Variants in ARID3A observed in about 807,000 individuals in gnomAD.
ARID3A encodes AT-rich interaction domain 3A.
Under a neutral mutation model 52.7 loss-of-function variants are expected in ARID3A, and 11 were observed. The ratio of observed to expected loss-of-function variants is 0.21; its 90% CI spans 0.13 to 0.35. ARID3A has a LOEUF of 0.35. ARID3A is among the 10% of genes least tolerant of loss of function. ARID3A has a pLI of 1.00. For synonymous variants in ARID3A, 404 were observed against 359.4 expected, an observed-to-expected ratio of 1.12 and a Z score of -1.40; for missense variants, 721 against 838.5, an observed-to-expected ratio of 0.86 and a Z score of 1.73.
chr19:971,821 G>T, intron 8 of ARID3A, 57 bp from the exon 9 acceptor site: 2 of 1,533,664 alleles, frequency 1.3e-6, no homozygotes. Context: ...CTCCCTTGTG[G>T]CCCGCCTCGC....
chr19:935,103 C>A (rs1046907491), intron 3 of ARID3A, among the ~76,000 whole-genome samples: 1 of 152,214 alleles, frequency 6.6e-6, no homozygotes, highest in African/African-American at 2.4e-5. Context: ...CTTCCTGGCA[C>A]GTGGCAGGCC....
Position 947,187 on chromosome 19 carries a change from C to T in ARID3A, c.694-12905C>T, listed in dbSNP as rs1270513274. 2.0e-5 allele frequency among the ~76,000 whole-genome samples: 3 copies of T among 152,140 alleles called. No homozygotes were observed. Among genetic ancestry groups the T allele is most frequent in the African/African-American group, 7.2e-5 (3 of 41,440 alleles). On this transcript the variant is annotated intron_variant, in intron 3 of 8. Coordinates refer to ENST00000263620, the MANE Select transcript of ARID3A (RefSeq NM_005224.3). The surrounding 1 kb of genome is among the most constrained non-coding windows in gnomAD (Gnocchi z 6.3). The stretch of plus-strand genomic sequence containing the variant: ...GTGTCTGTGTGTGGCCTGGGGCACC[C>T]CCTGCCGTCAGCCCAGATCTGTGTC...
intron 4 of ARID3A, among the ~76,000 whole-genome samples, chr19:963,613 C>T (rs1283473652): frequency 6.6e-6 from 1 of 152,162 alleles, no homozygotes; most frequent in Non-Finnish European, 1.5e-5. Context: ...GCCCAGCCGC[C>T]TCTTCTTCCT....
intron 3 of ARID3A, among the ~76,000 whole-genome samples, chr19:955,756 C>CA: frequency 6.6e-6 from 1 of 152,324 alleles, no homozygotes; most frequent in East Asian, 1.9e-4. Context: ...GTCAGAATCT[C>CA]AGAGGAGAGG....
Position 964,155 on chromosome 19 carries a change from A to T in ARID3A, c.767-93A>T. On this transcript the variant is annotated intron_variant, in intron 4 of 8. Transcript: ENST00000263620. The surrounding 1 kb of genome is among the most constrained non-coding windows in gnomAD (Gnocchi z 5.7). ...GTGGTTGTCACAGCCTGGGCGGGGG[A>T]GTGCTCCTGGCATGGAGAGGGCGGA... The T allele has an allele frequency of 9.7e-7, 1 of 1,032,154 alleles. No individual in the cohort carries two copies. The highest frequency in any genetic ancestry group is 1.4e-6 in the Non-Finnish European group (1 of 703,862). The allele number at this position is 1,032,154 out of a possible 1,614,324, so 63.9% of individuals were successfully genotyped here.
chr19:966,861 C>T lies in ARID3A; in HGVS notation c.1488C>T (p.Asn496=), dbSNP rs1270334439. The T allele has an allele frequency of 6.2e-7, 1 of 1,608,722 alleles. No homozygotes were observed. Among genetic ancestry groups the T allele is most frequent in the Non-Finnish European group, 8.5e-7 (1 of 1,176,482 alleles). The change falls in exon 7 of 9, where the codon AAC becomes AAT. Residue 496 remains asparagine (N), a synonymous_variant. Transcript: ENST00000263620. ...AAQLPMSIRI[N]SQASESRQDS... is the part of the protein sequence containing the mutation. ...AGCTGCCCATGAGCATTCGGATCAA[C>T]AGCCAAGGTACTGCCCTCGTGCCCA...
chr19:926,488 CG>C (rs143475436), intron 1 of ARID3A, among the ~76,000 whole-genome samples: 19,252 of 151,406 alleles, frequency 0.13, 1,418 homozygotes, highest in African/African-American at 0.2. Flanking sequence ...TCTCTGCGCG[CG>C]CGCGGGGGGC....
At chr19:935,626 C>T (rs936142039) in intron 3 of ARID3A, among the ~76,000 whole-genome samples, 2 of 152,066 alleles carry the variant, frequency 1.3e-5, no homozygotes, top group Admixed American at 1.3e-4. Context: ...TACAGACGGG[C>T]GCCACCAAAC....
In ARID3A at chr19:959,899, C is replaced by T. The variant is rs534564683; in HGVS notation, c.694-193C>T. On this transcript the variant is annotated intron_variant, in intron 3 of 8. Transcript: ENST00000263620. The surrounding 1 kb of genome is among the most constrained non-coding windows in gnomAD (Gnocchi z 5.0). ...CAGACCCTCTGGGAAGCTCGTTCAC[C>T]GGCATTTCTGTCTTGCAGCCTTGTG... Among the ~76,000 whole-genome samples, 6 of 152,160 alleles carry T rather than the reference C, an allele frequency of 3.9e-5. No homozygotes were observed. Among genetic ancestry groups the T allele is most frequent in the Non-Finnish European group, 5.9e-5 (4 of 68,018 alleles).
Position 929,834 on chromosome 19 carries a change from C to A in ARID3A, c.306C>A (p.Pro102=), listed in dbSNP as rs375849067. ...CCCGGGAGGGGACACCGGGCTCACC[C>A]GGGCGAGGCAGAGAAGGGCCAGGAG... The part of the protein sequence containing the change: ...DAAREGTPGS[P]GRGREGPGEE... Residue 102 remains proline, a synonymous_variant, in exon 2 of 9, where the codon CCC becomes CCA. Transcript: ENST00000263620. This position sits in a 1 kb window ranked among gnomAD's most constrained non-coding sequence, Gnocchi z 6.2. 2.6e-6 allele frequency: 4 copies of A among 1,545,270 alleles called. No homozygotes were observed. The Admixed American group carries it at 7.8e-5, about 30-fold the overall frequency.
chr19:944,432 G>A lies in ARID3A; in HGVS notation c.693+11690G>A, dbSNP rs1366583367. Among the ~76,000 whole-genome samples, 4 of 152,226 alleles carry A rather than the reference G, an allele frequency of 2.6e-5. No homozygotes were observed. In the East Asian group the frequency reaches 7.7e-4, roughly 29 times the overall value. On this transcript the variant is annotated intron_variant, in intron 3 of 8. Coordinates refer to ENST00000263620, the MANE Select transcript of ARID3A (RefSeq NM_005224.3). This position sits in a 1 kb window ranked among gnomAD's most constrained non-coding sequence, Gnocchi z 5.9. ...GGTGGGGGCGGTCCCACACGGCCAT[G>A]GTTTGTGTCTGCCACGGCCTCAGCC...
chr19:951,283 G>A (rs574158168), intron 3 of ARID3A, among the ~76,000 whole-genome samples: 3 of 151,392 alleles, frequency 2.0e-5, no homozygotes, highest in Non-Finnish European at 3.0e-5. Flanking sequence ...AAGGCCAGGC[G>A]CGGTGGCTCA....
chr19:971,879 A>G lies in ARID3A; in HGVS notation c.1596A>G (p.Gly532=), dbSNP rs760652145. The G allele has an allele frequency of 3.8e-6, 6 of 1,598,406 alleles. No individual in the cohort carries two copies. The East Asian group carries it at 7.1e-5, about 19-fold the overall frequency. The change falls in exon 9 of 9, where the codon GGA becomes GGG. Residue 532 remains glycine (G), a splice_region_variant and synonymous_variant. Coordinates refer to ENST00000263620, the MANE Select transcript of ARID3A (RefSeq NM_005224.3). ...SVEINGIMYT[G]VLFAQPPAPT... ...ATATGTCTTCTGTTCTTGCCTTAGG[A>G]GTTCTGTTTGCTCAGCCGCCGGCCC... is the stretch of plus-strand genomic sequence containing the variant.
intron 3 of ARID3A, among the ~76,000 whole-genome samples, chr19:948,701 T>TC (rs2037738348): frequency 1.5e-5 from 2 of 135,682 alleles, no homozygotes; most frequent in African/African-American, 5.5e-5. Flanking sequence ...AGGCCTGGAG[T>TC]CTTTTTTTTT....
rs139895513 is a variant in ARID3A at position 953,480 on chromosome 19, C to CTT, written c.694-6612_694-6611insTT. On this transcript the variant is annotated intron_variant, in intron 3 of 8. Coordinates refer to ENST00000263620, the MANE Select transcript of ARID3A (RefSeq NM_005224.3). ...CACCCCCCCAGGCCTCCCACACCCC[C>CTT]CCCCGTGCAGAGCCGGGGGAGTGTC... 2.6e-5 allele frequency among the ~76,000 whole-genome samples: 4 copies of CTT among 152,070 alleles called. 1 individual carries two copies. The East Asian group carries it at 7.8e-4, about 30-fold the overall frequency.
chr19:958,056 G>A (rs2037958730), intron 3 of ARID3A: 2 of 151,758 alleles, frequency 1.3e-5, no homozygotes, highest in South Asian at 4.2e-4. Flanking sequence ...AGGTTGCAGC[G>A]AGCTGAGATT....
chr19:962,413 C>T (rs953936169), intron 4 of ARID3A, among the ~76,000 whole-genome samples: 5 of 152,038 alleles, frequency 3.3e-5, no homozygotes, highest in East Asian at 3.8e-4. Flanking sequence ...GGCCCCACGA[C>T]GGGCCCTGGT....
intron 3 of ARID3A, among the ~76,000 whole-genome samples, chr19:946,586 GCC>G (rs2037687382): frequency 3.3e-5 from 5 of 151,588 alleles, no homozygotes; most frequent in Non-Finnish European, 5.9e-5. Context: ...GACTACAGGC[GCC>G]CGCCACCATG....
chr19:943,079 A>G (rs1367688313), intron 3 of ARID3A, among the ~76,000 whole-genome samples: 1 of 151,952 alleles, frequency 6.6e-6, no homozygotes, highest in Non-Finnish European at 1.5e-5. Context: ...GACCAGCCTC[A>G]GCAACAGAGT....
Sources: gnomAD v4.1 joint callset for allele counts (sites outside exome capture counted in the v4.1 genomes callset) on GRCh38, gnomAD v4.1.1 for gene constraint, Gnocchi (gnomAD v3.1) non-coding constraint, MANE v1.5 for transcripts, NCBI Gene and HGNC (gene_info 2026-07-23, HGNC 2026-07-21) for gene names.